The following KIRREL3 variants were observed in gnomAD, a reference collection of about 807,000 sequenced individuals.
KIRREL3 encodes the protein kirre like nephrin family adhesion molecule 3.
In KIRREL3, 36 loss-of-function variants were observed where a neutral mutation model predicts 89.7. The ratio of observed to expected loss-of-function variants is 0.40; its 90% CI spans 0.31 to 0.53. The LOEUF is 0.53. Ranked by LOEUF, KIRREL3 falls within the 20% of genes least tolerant of loss-of-function variation. The probability of loss-of-function intolerance (pLI) is 0.49; values close to 1 mark genes in which losing one functional copy is unlikely to be tolerated. For missense variants in KIRREL3, 864 were observed against 1,056.6 expected, an observed-to-expected ratio of 0.82 and a Z score of 2.53; for synonymous variants, 445 against 441.4, an observed-to-expected ratio of 1.01 and a Z score of -0.10.
rs569134397 is a variant in KIRREL3 at position 126,828,998 on chromosome 11, T to G, written c.55+171457A>C. The stretch of plus-strand genomic sequence containing the variant: ...TGATTCCTCTGGACCTCTGAAGAGG[T>G]CTACAGAATGCCTCCCAAATTTGTC... On this transcript the variant is annotated intron_variant, in intron 1 of 16. Transcript: ENST00000525144. Among the ~76,000 whole-genome samples, 6 of 152,056 alleles carry G rather than the reference T, an allele frequency of 3.9e-5. No homozygotes were observed. The South Asian group carries it at 6.3e-4, about 16-fold the overall frequency.
rs1375514416 is a variant in KIRREL3, at chr11:126,623,931, G to A, written c.56-61019C>T. ...TCTTTTTATTCATTGAGAAAGTAAC[G>A]GTGAGCAGTTTTGTGAATTCTGTGA... is the stretch of plus-strand genomic sequence containing the variant. On this transcript the variant is annotated intron_variant, in intron 1 of 16. Coordinates refer to ENST00000525144, the MANE Select transcript of KIRREL3 (RefSeq NM_032531.4). The surrounding 1 kb of genome is among the most constrained non-coding windows in gnomAD (Gnocchi z 4.1). 6.6e-6 allele frequency among the ~76,000 whole-genome samples: 1 copy of A among 152,086 alleles called. No homozygotes were observed. Among genetic ancestry groups the A allele is most frequent in the Non-Finnish European group, 1.5e-5 (1 of 68,016 alleles).
rs570983504 is a variant in KIRREL3 at position 126,463,853 on chromosome 11, T to C, written c.592-546A>G. Among the ~76,000 whole-genome samples, 6 of 152,270 alleles carry C rather than the reference T, an allele frequency of 3.9e-5. No individual in the cohort carries two copies. The South Asian group carries it at 1.2e-3, about 32-fold the overall frequency. On this transcript the variant is annotated intron_variant, in intron 5 of 16. Coordinates refer to ENST00000525144, the MANE Select transcript of KIRREL3 (RefSeq NM_032531.4). This position sits in a 1 kb window ranked among gnomAD's most constrained non-coding sequence, Gnocchi z 5.9. ...CGATTATTTGCCTATATAAATCCTT[T>C]CAACTTTCCAAAGCGTTTCACTCCC...
At position 126,778,018 on chromosome 11, in the gene KIRREL3, G is replaced by T. The variant is rs1422346998; in HGVS notation, c.56-215106C>A. On this transcript the variant is annotated intron_variant, in intron 1 of 16. Transcript: ENST00000525144. The surrounding 1 kb of genome is among the most constrained non-coding windows in gnomAD (Gnocchi z 4.5). ...GGCTTCCCCCTACTCTCTTTTCCTG[G>T]TATATGAGAAATACATGCTCATTGT... 2.0e-5 allele frequency among the ~76,000 whole-genome samples: 3 copies of T among 147,024 alleles called. No individual in the cohort carries two copies. Among genetic ancestry groups the T allele is most frequent in the African/African-American group, 5.0e-5 (2 of 39,988 alleles).
chr11:126,990,812 C>A lies in KIRREL3; in HGVS notation c.55+9643G>T, dbSNP rs146851293. The stretch of plus-strand genomic sequence containing the variant: ...AGTGCAGGTCCTAGGATTTAGGGAA[C>A]GCAACCACTGAGGGATTAAGTGGTG... On this transcript the variant is annotated intron_variant, in intron 1 of 16. Transcript: ENST00000525144. The surrounding 1 kb of genome is among the most constrained non-coding windows in gnomAD (Gnocchi z 6.3). 6.6e-6 allele frequency among the ~76,000 whole-genome samples: 1 copy of A among 152,208 alleles called. No individual in the cohort carries two copies. Among genetic ancestry groups the A allele is most frequent in the African/African-American group, 2.4e-5 (1 of 41,452 alleles).
chr11:126,699,527 T>A (rs1381840569), intron 1 of KIRREL3, among the ~76,000 whole-genome samples: 1 of 152,242 alleles, frequency 6.6e-6, no homozygotes. Context: ...ATAGTATGTT[T>A]TATTTTAGTA....
At chr11:126,944,949 C>G (rs1256001738) in intron 1 of KIRREL3, 1 of 152,228 alleles carries the variant, frequency 6.6e-6, no homozygotes, top group African/African-American at 2.4e-5. Flanking sequence ...AGAGGTTTAT[C>G]TGATTGGTTT....
At position 126,996,132 on chromosome 11, in the gene KIRREL3, A is replaced by G. The variant is rs1950174178; in HGVS notation, c.55+4323T>C. ...CAGACATGCAACCACCCCCATTTCCAACAGACATGCCCCAGTTTCCCCACC... is the reference window on the plus strand; with the variant it reads ...CAGACATGCAACCACCCCCATTTCCGACAGACATGCCCCAGTTTCCCCACC... On this transcript the variant is annotated intron_variant, in intron 1 of 16. Transcript: ENST00000525144. The surrounding 1 kb of genome is among the most constrained non-coding windows in gnomAD (Gnocchi z 4.7). Among the ~76,000 whole-genome samples, 3 of 152,036 alleles carry G rather than the reference A, an allele frequency of 2.0e-5. No individual in the cohort carries two copies. The South Asian group carries it at 6.2e-4, about 32-fold the overall frequency.
At position 126,890,331 on chromosome 11, in the gene KIRREL3, C is replaced by T. The variant is rs540557484; in HGVS notation, c.55+110124G>A. Among the ~76,000 whole-genome samples, 5 of 152,188 alleles carry T rather than the reference C, an allele frequency of 3.3e-5. No homozygotes were observed. The highest frequency in any genetic ancestry group is 5.9e-5 in the Non-Finnish European group (4 of 68,036). On this transcript the variant is annotated intron_variant, in intron 1 of 16. Coordinates refer to ENST00000525144, the MANE Select transcript of KIRREL3 (RefSeq NM_032531.4). This position sits in a 1 kb window ranked among gnomAD's most constrained non-coding sequence, Gnocchi z 5.1. ...TAGCCGAGAAAGGGCTTGTACTGGCCATGCCAGAGTCTAGAGGGAAGAGCT... is the reference window on the plus strand; with the variant it reads ...TAGCCGAGAAAGGGCTTGTACTGGCTATGCCAGAGTCTAGAGGGAAGAGCT...
Position 126,463,224 on chromosome 11 carries a change from G to A in KIRREL3, c.675C>T (p.Ile225=), listed in dbSNP as rs377379331. ...SPGDVENGQS[I]VCRATNKAIP... The stretch of plus-strand genomic sequence containing the variant: ...TGGCTTTGTTGGTGGCACGACACAC[G>A]ATGCTCTGGCCATTCTCCACGTCAC... The change falls in exon 6 of 17, where the codon ATC becomes ATT. Residue 225 remains isoleucine (I), a synonymous_variant. Transcript: ENST00000525144. The surrounding 1 kb of genome is among the most constrained non-coding windows in gnomAD (Gnocchi z 5.9). 50 of 1,614,006 alleles carry A rather than the reference G, an allele frequency of 3.1e-5. No homozygotes were observed. Among genetic ancestry groups the A allele is most frequent in the Non-Finnish European group, 3.9e-5 (46 of 1,179,876 alleles).
intron 1 of KIRREL3, among the ~76,000 whole-genome samples, chr11:126,847,161 T>C (rs554479822): frequency 6.6e-6 from 1 of 152,328 alleles, no homozygotes; most frequent in East Asian, 1.9e-4. Context: ...GCTTTTTTGG[T>C]ATAAAAATCA....
At chr11:126,799,380 ATGCG>A (rs1156279857) in intron 1 of KIRREL3, among the ~76,000 whole-genome samples, 349 of 11,794 alleles carry the variant, frequency 0.03, no homozygotes, top group East Asian at 0.053. Context: ...CTGTGTGTGC[ATGCG>A]TGTATCTGTG....
intron 1 of KIRREL3, among the ~76,000 whole-genome samples, chr11:126,901,200 C>T (rs145131611): frequency 1.3e-4 from 16 of 123,578 alleles, no homozygotes; most frequent in East Asian, 7.4e-4. Context: ...GGTAACAGAG[C>T]GAGATTCCGT....
rs1422813899 is a variant in KIRREL3 at position 126,652,294 on chromosome 11, T to C, written c.56-89382A>G. Among the ~76,000 whole-genome samples the C allele has an allele frequency of 6.6e-6, 1 of 152,138 alleles. No homozygotes were observed. Among genetic ancestry groups the C allele is most frequent in the East Asian group, 1.9e-4 (1 of 5,182 alleles). The stretch of plus-strand genomic sequence containing the variant: ...TGGCCAAAAAGCCCGGGTTGGGGTC[T>C]CTGTGGGTTGATGGATATAAACCAT... On this transcript the variant is annotated intron_variant, in intron 1 of 16. Transcript: ENST00000525144. This position sits in a 1 kb window ranked among gnomAD's most constrained non-coding sequence, Gnocchi z 4.9.
intron 13 of KIRREL3, among the ~76,000 whole-genome samples, chr11:126,433,264 G>A (rs1955202628): frequency 3.9e-5 from 6 of 152,220 alleles, no homozygotes; most frequent in Admixed American, 2.0e-4. Context: ...CAGTGTGGGC[G>A]AGTGGGGACA....
intron 5 of KIRREL3, among the ~76,000 whole-genome samples, chr11:126,472,912 C>T (rs1178775185): frequency 6.7e-6 from 1 of 150,100 alleles, no homozygotes; most frequent in Non-Finnish European, 1.5e-5. Flanking sequence ...TGGTTCCCTC[C>T]CCATCCAGCC....
intron 1 of KIRREL3, among the ~76,000 whole-genome samples, chr11:126,923,298 TTCCTTC>T (rs202211172): frequency 0.017 from 1,677 of 100,636 alleles, 183 homozygotes; most frequent in East Asian, 0.096. Context: ...CTTCTCCTTC[TTCCTTC>T]TCCTTCTCCT....
chr11:126,539,216 G>A (rs1938161236), intron 2 of KIRREL3, among the ~76,000 whole-genome samples: 1 of 152,180 alleles, frequency 6.6e-6, no homozygotes, highest in Admixed American at 6.5e-5. Flanking sequence ...ACAGAGCCCT[G>A]CCTGCCTTCC....
intron 1 of KIRREL3, among the ~76,000 whole-genome samples, chr11:126,815,937 A>T (rs1263512756): frequency 6.6e-6 from 1 of 152,234 alleles, no homozygotes; most frequent in African/African-American, 2.4e-5. Flanking sequence ...GACAGTTTTA[A>T]CTGGCTTACG....
rs984083119 is a variant in KIRREL3, at chr11:126,432,433, A to G, written c.1589-907T>C. Among the ~76,000 whole-genome samples the G allele has an allele frequency of 6.6e-6, 1 of 152,158 alleles. No individual in the cohort carries two copies. The highest frequency in any genetic ancestry group is 1.5e-5 in the Non-Finnish European group (1 of 68,002). ...GATTTAGGGCCTTGAGGAATCCATC[A>G]GGAATAGAACTAGAGAATGCTGGGG... On this transcript the variant is annotated intron_variant, in intron 13 of 16. Transcript: ENST00000525144. The surrounding 1 kb of genome is among the most constrained non-coding windows in gnomAD (Gnocchi z 6.2).
Sources: gnomAD v4.1 joint callset for allele counts (sites outside exome capture counted in the v4.1 genomes callset) on GRCh38, gnomAD v4.1.1 for gene constraint, Gnocchi (gnomAD v3.1) non-coding constraint, MANE v1.5 for transcripts, NCBI Gene and HGNC (gene_info 2026-07-23, HGNC 2026-07-21) for gene names.